Variants in GPC6 observed in about 807,000 individuals in gnomAD.
GPC6 encodes the protein glypican 6, also known as glypican-6.
A neutral mutation model predicts 55.2 loss-of-function variants in GPC6; 14 were observed. The ratio of observed to expected loss-of-function variants is 0.25; its 90% CI spans 0.17 to 0.40. The LOEUF (loss-of-function observed/expected upper bound fraction) is 0.40, where lower values mean the gene tolerates loss of function less well. Ranked by LOEUF, GPC6 falls within the 10% of genes least tolerant of loss-of-function variation. The pLI is 1.00. For synonymous variants in GPC6, 278 were observed against 259.6 expected (o/e 1.07, Z -0.68); for missense variants, 641 against 708.5 (o/e 0.90, Z 1.08).
chr13:93,504,007 T>C (rs1459757830), intron 1 of GPC6, among the ~76,000 whole-genome samples: 6 of 152,154 alleles, frequency 3.9e-5, no homozygotes, highest in Admixed American at 3.9e-4. Context: ...ATATTTTGCC[T>C]TTTTGATTGT....
intron 2 of GPC6, among the ~76,000 whole-genome samples, chr13:93,826,011 C>T (rs2138973567): frequency 6.6e-6 from 1 of 152,038 alleles, no homozygotes; most frequent in East Asian, 1.9e-4. Flanking sequence ...CAGGTGCCCA[C>T]CACCATGCCT....
chr13:93,655,674 G>A (rs1486153560), intron 2 of GPC6, among the ~76,000 whole-genome samples: 1 of 152,168 alleles, frequency 6.6e-6, no homozygotes, highest in Non-Finnish European at 1.5e-5. Flanking sequence ...ATTTGGAGGA[G>A]GGGAGTGTGG....
chr13:94,137,860 A>G (rs955881801), intron 4 of GPC6, among the ~76,000 whole-genome samples: 1 of 152,204 alleles, frequency 6.6e-6, no homozygotes, highest in Non-Finnish European at 1.5e-5. Flanking sequence ...TGGAGGGGCC[A>G]CATCAGATTT....
chr13:93,284,244 G>A (rs918957186), intron 1 of GPC6, among the ~76,000 whole-genome samples: 9 of 152,130 alleles, frequency 5.9e-5, no homozygotes, highest in African/African-American at 1.7e-4. Context: ...CTTAGGGCAC[G>A]GCAGCAGTGC....
At chr13:93,687,172 C>G (rs1210029574) in intron 2 of GPC6, among the ~76,000 whole-genome samples, 17 of 151,994 alleles carry the variant, frequency 1.1e-4, no homozygotes, top group Admixed American at 1.1e-3. Context: ...AAATGCTTGT[C>G]TAATGTGTGT....
chr13:94,329,066 A>G (rs1482631948), intron 6 of GPC6, among the ~76,000 whole-genome samples: 3 of 152,180 alleles, frequency 2.0e-5, no homozygotes, highest in African/African-American at 7.2e-5. Context: ...GATACTTCCC[A>G]CTGACACTGG....
At chr13:93,751,041 C>T (rs1884563957) in intron 2 of GPC6, among the ~76,000 whole-genome samples, 1 of 152,128 alleles carries the variant, frequency 6.6e-6, no homozygotes, top group African/African-American at 2.4e-5. Flanking sequence ...TCTCTGTATG[C>T]CTCCAAACTC....
intron 3 of GPC6, among the ~76,000 whole-genome samples, chr13:93,995,842 A>G (rs1881525269): frequency 6.6e-6 from 1 of 152,140 alleles, no homozygotes; most frequent in Non-Finnish European, 1.5e-5. Context: ...TCATAATTCT[A>G]CCCTAACAGA....
At chr13:94,293,319 C>T (rs112530663) in intron 5 of GPC6, among the ~76,000 whole-genome samples, 6,205 of 152,228 alleles carry the variant, frequency 0.041, 244 homozygotes, top group East Asian at 0.19. Flanking sequence ...GATTGGATTA[C>T]GGGGGCAGTT....
intron 4 of GPC6, among the ~76,000 whole-genome samples, chr13:94,273,647 G>A (rs537475843): frequency 1.3e-5 from 2 of 152,310 alleles, no homozygotes; most frequent in Non-Finnish European, 2.9e-5. Context: ...TTAGGCACTT[G>A]GTGTACCAGA....
chr13:94,227,749 A>C (rs1189026649), intron 4 of GPC6, among the ~76,000 whole-genome samples: 1 of 152,136 alleles, frequency 6.6e-6, no homozygotes, highest in Non-Finnish European at 1.5e-5. Flanking sequence ...CTACCTGTCC[A>C]TCCATGCTGG....
chr13:93,384,932 A>G (rs1470027280), intron 1 of GPC6, among the ~76,000 whole-genome samples: 1 of 152,232 alleles, frequency 6.6e-6, no homozygotes, highest in East Asian at 1.9e-4. Context: ...GTTAGGCACT[A>G]GGTATCCCAT....
intron 3 of GPC6, among the ~76,000 whole-genome samples, chr13:93,880,837 A>G (rs116445992): frequency 0.05 from 7,562 of 151,586 alleles, 570 homozygotes; most frequent in African/African-American, 0.17. Context: ...TGATTACCCA[A>G]TTTAAAAAAT....
intron 2 of GPC6, among the ~76,000 whole-genome samples, chr13:93,762,334 G>A (rs138545824): frequency 1.2e-3 from 190 of 152,280 alleles, no homozygotes; most frequent in Non-Finnish European, 2.3e-3. Flanking sequence ...AGGAAATTTC[G>A]TTGATAGTGT....
At chr13:93,924,858 G>T (rs1436137493) in intron 3 of GPC6, among the ~76,000 whole-genome samples, 1 of 151,932 alleles carries the variant, frequency 6.6e-6, no homozygotes, top group East Asian at 1.9e-4. Context: ...CCAAAAAATT[G>T]TATGCATTTA....
intron 6 of GPC6, among the ~76,000 whole-genome samples, chr13:94,376,568 G>A (rs1879866406): frequency 6.7e-6 from 1 of 150,302 alleles, no homozygotes; most frequent in Admixed American, 6.6e-5. Flanking sequence ...ACAAATGGAA[G>A]AACATTCCAT....
intron 1 of GPC6, among the ~76,000 whole-genome samples, chr13:93,505,913 A>G (rs1237622490): frequency 6.6e-6 from 1 of 152,188 alleles, no homozygotes; most frequent in African/African-American, 2.4e-5. Context: ...ACCTGCAAAC[A>G]TTGAGGACTG....
At chr13:94,165,590 A>G (rs1470938546) in intron 4 of GPC6, among the ~76,000 whole-genome samples, 7 of 152,078 alleles carry the variant, frequency 4.6e-5, no homozygotes, top group Admixed American at 3.9e-4. Context: ...AATCACCACT[A>G]AAGAACTTAC....
Position 93,794,436 on chromosome 13 carries a change from A to G in GPC6, c.320-35718A>G, listed in dbSNP as rs1240061729. Among the ~76,000 whole-genome samples, 5 of 152,334 alleles carry G rather than the reference A, an allele frequency of 3.3e-5. No individual in the cohort carries two copies. In the East Asian group the frequency reaches 7.7e-4, roughly 24 times the overall value. The stretch of plus-strand genomic sequence containing the variant: ...GATTCTGACCAAGTTTGAGAATCAC[A>G]CTTCCTGAACAGTGCCTCACTCTCT... On this transcript the variant is annotated intron_variant, in intron 2 of 8. Coordinates refer to ENST00000377047, the MANE Select transcript of GPC6 (RefSeq NM_005708.5).
Sources: allele counts gnomAD v4.1 joint callset (sites outside exome capture counted in the v4.1 genomes callset), GRCh38; gene constraint gnomAD v4.1.1; transcripts MANE v1.5; gene names NCBI Gene and HGNC (gene_info 2026-07-23, HGNC 2026-07-21).